The following SLC6A2 variants were observed in gnomAD, a reference collection of about 807,000 sequenced individuals.
The protein encoded by SLC6A2 is sodium-dependent noradrenaline transporter.
A neutral mutation model predicts 71.7 loss-of-function variants in SLC6A2; 26 were observed. That is an observed-to-expected ratio of 0.36 (90% confidence interval 0.27 to 0.50). SLC6A2 has a LOEUF of 0.50. Among genes scored for constraint, SLC6A2 ranks in the 20% least tolerant of loss-of-function variants. The probability of loss-of-function intolerance (pLI) is 0.96; values close to 1 mark genes in which losing one functional copy is unlikely to be tolerated. For synonymous variants in SLC6A2, 363 were observed against 337.9 expected (o/e 1.07, Z -0.82); for missense variants, 581 against 803.9 (o/e 0.72, Z 3.35).
chr16:55,680,033 C>A (rs1965221098), intron 4 of SLC6A2, among the ~76,000 whole-genome samples: 1 of 152,186 alleles, frequency 6.6e-6, no homozygotes, highest in South Asian at 2.1e-4. Flanking sequence ...GATGTAACAA[C>A]CAAAAATATC....
intron 2 of SLC6A2, among the ~76,000 whole-genome samples, chr16:55,668,229 G>A (rs1229986589): frequency 6.6e-6 from 1 of 152,138 alleles, no homozygotes; most frequent in Non-Finnish European, 1.5e-5. Context: ...AGCTGAGTGA[G>A]TTTGACCCTA....
At chr16:55,702,051 G>A in intron 14 of SLC6A2, 117 bp downstream of exon 14, 3 of 876,806 alleles carry the variant, frequency 3.4e-6, no homozygotes, top group Non-Finnish European at 5.7e-6. Context: ...CCCAGTGTGA[G>A]CTGCCTTTTC....
intron 5 of SLC6A2, among the ~76,000 whole-genome samples, chr16:55,689,353 C>T (rs1252965375): frequency 6.6e-6 from 1 of 152,254 alleles, no homozygotes; most frequent in Non-Finnish European, 1.5e-5. Context: ...AACAAGTTCC[C>T]TGCTTTCTTG....
chr16:55,688,518 A>G (rs28398929), intron 5 of SLC6A2, among the ~76,000 whole-genome samples: 150,460 of 152,334 alleles, frequency 0.99, 74,327 homozygotes, highest in Middle Eastern at 1. Context: ...GGTAAAGTGC[A>G]GACATTTATC....
At chr16:55,686,985 A>G (rs1165534820) in intron 5 of SLC6A2, among the ~76,000 whole-genome samples, 13 of 152,228 alleles carry the variant, frequency 8.5e-5, no homozygotes, top group African/African-American at 3.1e-4. Context: ...CCTACTGTGT[A>G]CCAGGCTTGA....
At chr16:55,671,447 A>G (rs952957653) in intron 3 of SLC6A2, among the ~76,000 whole-genome samples, 1 of 152,196 alleles carries the variant, frequency 6.6e-6, no homozygotes, top group African/African-American at 2.4e-5. Context: ...AATCTGCTAT[A>G]GCACGTTTCC....
At chr16:55,693,808 A>G (rs1018671281) in intron 6 of SLC6A2, among the ~76,000 whole-genome samples, 2 of 152,156 alleles carry the variant, frequency 1.3e-5, no homozygotes, top group South Asian at 4.1e-4. Context: ...AGGCTGGGAG[A>G]TGCTAGAGAG....
At position 55,669,682 on chromosome 16, in the gene SLC6A2, G is replaced by A; in HGVS notation, c.392G>A (p.Cys131Tyr). ...REGAATVWKI[C>Y]PFFKGVGYAV... ...GGGGCTGCCACCGTTTGGAAAATCT[G>A]CCCATTCTTCAAAGGTAAAGAAGGG... Residue 131 changes from cysteine (C) to tyrosine (Y), a missense_variant, in exon 3 of 15, where the codon TGC becomes TAC. Physicochemically the swap from Cys to Tyr is radical, Grantham distance 194. This residue lies in a region of SLC6A2 where 81 missense variants were observed against 152.4 expected (regional missense o/e 0.53). Coordinates refer to ENST00000568943, the MANE Select transcript of SLC6A2 (RefSeq NM_001172501.3). 6.2e-7 allele frequency: 1 copy of A among 1,614,142 alleles called. No individual in the cohort carries two copies. Among genetic ancestry groups the A allele is most frequent in the Non-Finnish European group, 8.5e-7 (1 of 1,180,018 alleles).
chr16:55,672,275 G>A (rs762959995), intron 4 of SLC6A2, 100 bp downstream of exon 4: 7 of 1,599,556 alleles, frequency 4.4e-6, no homozygotes, highest in East Asian at 2.2e-5. Flanking sequence ...GACGCATGCC[G>A]TCAGGATATT....
chr16:55,677,013 T>C (rs575733001), intron 4 of SLC6A2, among the ~76,000 whole-genome samples: 1 of 152,276 alleles, frequency 6.6e-6, no homozygotes, highest in East Asian at 1.9e-4. Flanking sequence ...GAAATTTCCA[T>C]CAGTAGCTCC....
intron 4 of SLC6A2, among the ~76,000 whole-genome samples, chr16:55,684,124 C>T (rs1965368362): frequency 6.6e-6 from 1 of 151,840 alleles, no homozygotes; most frequent in Non-Finnish European, 1.5e-5. Flanking sequence ...ATGGCAAAAC[C>T]CAGTCTCTAC....
At chr16:55,669,791 T>TCA in intron 3 of SLC6A2, 95 bp downstream of exon 3, 1 of 1,366,538 alleles carries the variant, frequency 7.3e-7, no homozygotes, top group Non-Finnish European at 1.0e-6. Flanking sequence ...AAGGTAGACC[T>TCA]CCTGTCATGT....
chr16:55,677,609 G>A (rs1965132657), intron 4 of SLC6A2, among the ~76,000 whole-genome samples: 1 of 152,158 alleles, frequency 6.6e-6, no homozygotes, highest in South Asian at 2.1e-4. Context: ...GGAAAAGATG[G>A]CATCTTCAGG....
At position 55,700,311 on chromosome 16, in the gene SLC6A2, G is replaced by C; in HGVS notation, c.1758+5G>C. 6.2e-7 allele frequency: 1 copy of C among 1,611,414 alleles called. No individual in the cohort carries two copies. Among genetic ancestry groups the C allele is most frequent in the South Asian group, 1.1e-5 (1 of 90,972 alleles). On this transcript the variant is annotated splice_donor_5th_base_variant and intron_variant, in intron 13 of 14. Coordinates refer to ENST00000568943, the MANE Select transcript of SLC6A2 (RefSeq NM_001172501.3). ...ACGCAGGGCTCTCTTTGGGAGGTGA[G>C]CTCTGGTCCTCCCCAGGGGAACAGG...
Position 55,656,691 on chromosome 16 carries a change from A to C in SLC6A2, c.-4A>C, listed in dbSNP as rs1358588303. On this transcript the variant is annotated 5_prime_UTR_variant, in exon 2 of 15. Coordinates refer to ENST00000568943, the MANE Select transcript of SLC6A2 (RefSeq NM_001172501.3). This position sits in a 1 kb window ranked among gnomAD's most constrained non-coding sequence, Gnocchi z 4.5. ...CGGTAAAGTTCCTCTCGCCAGCCGC[A>C]TCCATGCTTCTGGCGCGGATGAACC... The C allele has an allele frequency of 6.2e-7, 1 of 1,612,028 alleles. No individual in the cohort carries two copies. Among genetic ancestry groups the C allele is most frequent in the Admixed American group, 1.7e-5 (1 of 60,024 alleles).
chr16:55,657,332 T>C lies in SLC6A2; in HGVS notation c.274+364T>C, dbSNP rs187483282. Among the ~76,000 whole-genome samples, 447 of 152,062 alleles carry C rather than the reference T, an allele frequency of 2.9e-3. 1 individual carries two copies. The highest frequency in any genetic ancestry group is 0.024 in the Middle Eastern group (7 of 294). On this transcript the variant is annotated intron_variant, in intron 2 of 14. Coordinates refer to ENST00000568943, the MANE Select transcript of SLC6A2 (RefSeq NM_001172501.3). ...TGGGTGGGGGAGCCTGACCTTTTGA[T>C]GGTCTGCTGGAAGGGAGGTGGAGAT... is the stretch of plus-strand genomic sequence containing the variant.
chr16:55,684,432 A>C (rs1429549165), intron 4 of SLC6A2, among the ~76,000 whole-genome samples: 1 of 152,236 alleles, frequency 6.6e-6, no homozygotes, highest in Non-Finnish European at 1.5e-5. Context: ...TGCCATAAAC[A>C]TTCTAGAGCA....
rs368487330 is a variant in SLC6A2, at chr16:55,685,779, A to G, written c.783+498A>G. Among the ~76,000 whole-genome samples the G allele has an allele frequency of 5.9e-5, 9 of 152,282 alleles. No homozygotes were observed. The East Asian group carries it at 1.5e-3, about 26-fold the overall frequency. On this transcript the variant is annotated intron_variant, in intron 5 of 14. Coordinates refer to ENST00000568943, the MANE Select transcript of SLC6A2 (RefSeq NM_001172501.3). ...TATGCTGGATTTTGTGTTTCCTCGGATACAGAAATAAGTGCCCCCAGGGTT... is the reference window on the plus strand; with the variant it reads ...TATGCTGGATTTTGTGTTTCCTCGGGTACAGAAATAAGTGCCCCCAGGGTT...
At position 55,698,522 on chromosome 16, in the gene SLC6A2, C is replaced by G; in HGVS notation, c.1443C>G (p.Ile481Met). The G allele has an allele frequency of 6.2e-7, 1 of 1,614,138 alleles. No homozygotes were observed. The highest frequency in any genetic ancestry group is 8.5e-7 in the Non-Finnish European group (1 of 1,179,996). Residue 481 changes from isoleucine (I) to methionine (M), a missense_variant, in exon 11 of 15, where the codon ATC (isoleucine) becomes ATG (methionine). By Grantham distance (10) the Ile-to-Met change is conservative. Around this residue, in one of 5 missense-constraint regions of SLC6A2, gnomAD observed 334 missense variants for 449.0 expected, o/e 0.74. Transcript: ENST00000568943. ...ACACCTTTGCTGCGGGCACCTCCAT[C>G]CTTTTTGCTGTCCTCATGGAAGCCA... is the stretch of plus-strand genomic sequence containing the variant. ...LLDTFAAGTS[I>M]LFAVLMEAIG...
Sources: allele counts gnomAD v4.1 joint callset (sites outside exome capture counted in the v4.1 genomes callset), GRCh38; gene constraint gnomAD v4.1.1; regional missense constraint gnomAD v4.1.1; non-coding constraint Gnocchi (gnomAD v3.1); transcripts MANE v1.5; gene names NCBI Gene and HGNC (gene_info 2026-07-23, HGNC 2026-07-21).